PIK3CB: variants seen among roughly 807,000 people sequenced by gnomAD.
The protein encoded by PIK3CB is phosphatidylinositol 4,5-bisphosphate 3-kinase catalytic subunit beta isoform.
Under a neutral mutation model 136.8 loss-of-function variants are expected in PIK3CB, and 39 were observed. The observed-to-expected ratio is 0.29, with a 90% CI of 0.22 to 0.37. PIK3CB has a LOEUF of 0.37. PIK3CB is among the 10% of genes least tolerant of loss of function. The pLI is 1.00. For missense variants in PIK3CB, 868 were observed against 1,275.4 expected (o/e 0.68, Z 4.87); for synonymous variants, 428 against 436.6 (o/e 0.98, Z 0.25).
intron 12 of PIK3CB, among the ~76,000 whole-genome samples, chr3:138,701,308 A>T (rs1013088096): frequency 6.6e-6 from 1 of 152,178 alleles, no homozygotes; most frequent in Non-Finnish European, 1.5e-5. Flanking sequence ...GAAATGCAGC[A>T]AGTAACCAGA....
At chr3:138,728,261 G>A (rs1235878792) in intron 8 of PIK3CB, among the ~76,000 whole-genome samples, 2 of 151,974 alleles carry the variant, frequency 1.3e-5, no homozygotes, top group Non-Finnish European at 2.9e-5. Context: ...AATAGAGAAG[G>A]CTTCTCACCT....
chr3:138,715,123 T>C (rs2044581178), intron 8 of PIK3CB, among the ~76,000 whole-genome samples: 1 of 152,204 alleles, frequency 6.6e-6, no homozygotes, highest in African/African-American at 2.4e-5. Context: ...TCTCTATGTG[T>C]AGGAAAGAAT....
intron 2 of PIK3CB, among the ~76,000 whole-genome samples, chr3:138,764,059 C>T (rs562362985): frequency 8.6e-4 from 128 of 149,558 alleles, no homozygotes; most frequent in Admixed American, 2.3e-3. Flanking sequence ...TGCAGTGAGC[C>T]GAGATCGCAC....
At chr3:138,732,407 T>A (rs1416970866) in intron 8 of PIK3CB, among the ~76,000 whole-genome samples, 2 of 152,186 alleles carry the variant, frequency 1.3e-5, no homozygotes, top group African/African-American at 2.4e-5. Context: ...AATACCCATG[T>A]ACAAAAGCAA....
At chr3:138,668,331 G>C (rs983396736) in intron 19 of PIK3CB, among the ~76,000 whole-genome samples, 1 of 152,114 alleles carries the variant, frequency 6.6e-6, no homozygotes, top group African/African-American at 2.4e-5. Context: ...CTTTTCAAAA[G>C]CAGGCAACGA....
chr3:138,734,951 AAT>A (rs775410759), intron 6 of PIK3CB, 147 bp from the exon 7 acceptor site: 2,031 of 296,570 alleles, frequency 6.8e-3, no homozygotes, highest in East Asian at 0.022. Context: ...AAAAAAAAAA[AAT>A]TTTTTTTTTT....
At chr3:138,669,144 G>GA (rs2043475277) in intron 19 of PIK3CB, among the ~76,000 whole-genome samples, 1 of 152,124 alleles carries the variant, frequency 6.6e-6, no homozygotes, top group Non-Finnish European at 1.5e-5. Flanking sequence ...AGGTGCGGTG[G>GA]CTCACGCCTG....
At position 138,715,876 on chromosome 3, in the gene PIK3CB, T is replaced by G. The variant is rs2044596689; in HGVS notation, c.1051-1157A>C. Among the ~76,000 whole-genome samples the G allele has an allele frequency of 2.0e-5, 3 of 152,080 alleles. No individual in the cohort carries two copies. In the South Asian group the frequency reaches 6.2e-4, roughly 31 times the overall value. ...AAGATGACTGACTTAATAAATAATA[T>G]TCTTTTATCTAATTCCAGCTAAATG... On this transcript the variant is annotated intron_variant, in intron 8 of 23. Coordinates refer to ENST00000674063, the MANE Select transcript of PIK3CB (RefSeq NM_006219.3).
intron 10 of PIK3CB, among the ~76,000 whole-genome samples, chr3:138,710,780 C>A (rs947844028): frequency 6.6e-6 from 1 of 152,120 alleles, no homozygotes; most frequent in Admixed American, 6.5e-5. Context: ...CAGGCTAAAG[C>A]CAACTAAAGA....
At chr3:138,712,140 A>G (rs2044516291) in intron 10 of PIK3CB, 68 bp downstream of exon 10, 1 of 653,658 alleles carries the variant, frequency 1.5e-6, no homozygotes, top group Admixed American at 2.8e-5. Flanking sequence ...TGATTCATAA[A>G]TATTACCTAG....
chr3:138,834,396 G>C (rs1262150260), intron 1 of PIK3CB, among the ~76,000 whole-genome samples: 4 of 152,178 alleles, frequency 2.6e-5, no homozygotes. Flanking sequence ...TCAGGAACGG[G>C]ACCCAAAGCG....
chr3:138,660,972 C>G (rs2043285452), intron 21 of PIK3CB, among the ~76,000 whole-genome samples: 1 of 152,194 alleles, frequency 6.6e-6, no homozygotes, highest in Admixed American at 6.5e-5. Flanking sequence ...GAAATCTCAA[C>G]TGTCAGATCT....
chr3:138,769,525 A>G (rs1241263815), intron 2 of PIK3CB, among the ~76,000 whole-genome samples: 1 of 152,364 alleles, frequency 6.6e-6, no homozygotes, highest in East Asian at 1.9e-4. Flanking sequence ...AAACCACAAG[A>G]TGACATGTAA....
At chr3:138,693,944 T>A (rs1175493197) in intron 14 of PIK3CB, among the ~76,000 whole-genome samples, 3 of 33,242 alleles carry the variant, frequency 9.0e-5, no homozygotes, top group African/African-American at 7.1e-4. Flanking sequence ...AAAATATATA[T>A]ATATATATAT....
At chr3:138,780,851 TTG>T (rs1178019379) in intron 2 of PIK3CB, among the ~76,000 whole-genome samples, 1 of 152,092 alleles carries the variant, frequency 6.6e-6, no homozygotes, top group African/African-American at 2.4e-5. Flanking sequence ...TGGGGTTTTT[TTG>T]TTTTGTTTTT....
rs992916863 is a variant in PIK3CB at position 138,654,973 on chromosome 3, G to A, written c.*416C>T. On this transcript the variant is annotated 3_prime_UTR_variant, in exon 24 of 24. Transcript: ENST00000674063. Reference sequence around the variant, plus strand: ...ATGCCTTTCTTTTTAGCTTCATTTGGACAGTAAGAACAGCCACCAACCCCC... The same window carrying A: ...ATGCCTTTCTTTTTAGCTTCATTTGAACAGTAAGAACAGCCACCAACCCCC... The A allele has an allele frequency of 8.8e-5, 20 of 227,232 alleles. No individual in the cohort carries two copies. Among genetic ancestry groups the A allele is most frequent in the African/African-American group, 4.0e-4 (18 of 45,030 alleles). 14.1% of individuals were successfully genotyped at this position (227,232 alleles called of 1,614,324 possible). A position where few individuals can be genotyped will look rare whatever the true frequency, so the allele number is the denominator to read the frequency against.
intron 4 of PIK3CB, among the ~76,000 whole-genome samples, chr3:138,747,054 T>TTATATATATATATATATA (rs59299476): frequency 2.4e-5 from 1 of 42,224 alleles, no homozygotes; most frequent in Non-Finnish European, 4.6e-5. Context: ...TATTCAGCCT[T>TTATATATATATATATATA]TATATATATA....
intron 2 of PIK3CB, chr3:138,770,422 T>C (rs1057063198): frequency 2.0e-5 from 3 of 152,028 alleles, no homozygotes; most frequent in Non-Finnish European, 4.4e-5. Context: ...AAAAGAGATT[T>C]TTTTTGGCCG....
At chr3:138,679,644 C>T (rs1480136066) in intron 19 of PIK3CB, among the ~76,000 whole-genome samples, 2 of 151,320 alleles carry the variant, frequency 1.3e-5, no homozygotes, top group Admixed American at 6.6e-5. Flanking sequence ...AGTGCAGTAG[C>T]GTGATCTTGG....
Sources: gnomAD v4.1 joint callset for allele counts (sites outside exome capture counted in the v4.1 genomes callset) on GRCh38, gnomAD v4.1.1 for gene constraint, MANE v1.5 for transcripts, NCBI Gene and HGNC (gene_info 2026-07-23, HGNC 2026-07-21) for gene names.